RIMS1: variants seen among roughly 807,000 people sequenced by gnomAD.
RIMS1 encodes regulating synaptic membrane exocytosis protein 1.
Under a neutral mutation model 214.1 loss-of-function variants are expected in RIMS1, and 83 were observed. The observed-to-expected ratio is 0.39, with a 90% confidence interval of 0.32 to 0.47. The LOEUF is 0.47. Among genes scored for constraint, RIMS1 ranks in the 20% least tolerant of loss-of-function variants. The probability of loss-of-function intolerance (pLI) is 0.99; values close to 1 mark genes in which losing one functional copy is unlikely to be tolerated. For synonymous variants in RIMS1, 793 were observed against 786.8 expected (o/e 1.01, Z -0.13); for missense variants, 2,050 against 2,161.8 (o/e 0.95, Z 1.03).
chr6:72,395,129 C>G (rs189289661), intron 31 of RIMS1, among the ~76,000 whole-genome samples: 14 of 151,948 alleles, frequency 9.2e-5, no homozygotes, highest in Admixed American at 8.5e-4. Flanking sequence ...TTAAAAAAAT[C>G]TTTTGTAAGA....
At chr6:72,229,233 T>C (rs781164442) in intron 6 of RIMS1, among the ~76,000 whole-genome samples, 10 of 146,206 alleles carry the variant, frequency 6.8e-5, no homozygotes, top group Non-Finnish European at 1.3e-4. Context: ...GTTTAGGGAG[T>C]GAATATTGGC....
intron 29 of RIMS1, among the ~76,000 whole-genome samples, chr6:72,383,265 A>C (rs2098524519): frequency 1.3e-5 from 2 of 152,178 alleles, no homozygotes; most frequent in South Asian, 4.1e-4. Flanking sequence ...TGAGACTTTT[A>C]CTTGTCTATG....
At chr6:72,380,313 G>A (rs1311077464) in intron 29 of RIMS1, among the ~76,000 whole-genome samples, 3 of 152,074 alleles carry the variant, frequency 2.0e-5, no homozygotes, top group South Asian at 4.1e-4. Flanking sequence ...GAGTTAATGG[G>A]TGCAGCACAC....
At chr6:72,219,876 ATTATATTTTCTATATTTTC>A (rs2057809980) in intron 6 of RIMS1, among the ~76,000 whole-genome samples, 1 of 151,806 alleles carries the variant, frequency 6.6e-6, no homozygotes, top group African/African-American at 2.4e-5. Flanking sequence ...AAAGTTTGTT[ATTATATTTTCTATATTTTC>A]CTATTTAGCA....
intron 4 of RIMS1, among the ~76,000 whole-genome samples, chr6:72,169,304 T>C (rs188587994): frequency 1.3e-5 from 2 of 152,350 alleles, no homozygotes; most frequent in African/African-American, 2.4e-5. Context: ...ATATTTATTA[T>C]ATAAGCCTTC....
chr6:71,958,528 G>T (rs1561969627), intron 1 of RIMS1, among the ~76,000 whole-genome samples: 1 of 152,032 alleles, frequency 6.6e-6, no homozygotes, highest in Non-Finnish European at 1.5e-5. Flanking sequence ...TGGGAGAAGT[G>T]GTCAGGTAAT....
chr6:72,242,430 C>T lies in RIMS1; in HGVS notation c.2074C>T (p.Pro692Ser), dbSNP rs2067341321. Residue 692 changes from proline (P) to serine (S), a missense_variant, in exon 10 of 34, where the codon CCT becomes TCT. Coordinates refer to ENST00000521978, the MANE Select transcript of RIMS1 (RefSeq NM_014989.7). ...EPQVEIIVSR[P>S]IGDIPRIPES... is the part of the protein sequence containing the mutation. ...TCAAGTTGAAATTATTGTTTCAAGG[C>T]CTATTGGGTAAGGCTAAAAAAACTT... 1.9e-6 allele frequency: 3 copies of T among 1,552,436 alleles called. No individual in the cohort carries two copies. Among genetic ancestry groups the T allele is most frequent in the Non-Finnish European group, 2.6e-6 (3 of 1,147,562 alleles).
At chr6:72,229,183 C>T (rs867495732) in intron 6 of RIMS1, among the ~76,000 whole-genome samples, 27 of 151,836 alleles carry the variant, frequency 1.8e-4, no homozygotes, top group Middle Eastern at 3.4e-3. Flanking sequence ...GGACAAAAAT[C>T]TGTATTACCT....
At chr6:72,110,585 G>T (rs1248263947) in intron 4 of RIMS1, among the ~76,000 whole-genome samples, 2 of 149,380 alleles carry the variant, frequency 1.3e-5, no homozygotes, top group African/African-American at 5.0e-5. Flanking sequence ...TTGCTTATCA[G>T]CTTAAGGAGA....
intron 28 of RIMS1, among the ~76,000 whole-genome samples, chr6:72,333,197 C>T (rs1348448962): frequency 2.0e-5 from 3 of 151,680 alleles, no homozygotes; most frequent in South Asian, 2.1e-4. Context: ...AAAGAGTGTA[C>T]GTTTTTAAAA....
At chr6:72,097,688 A>G (rs989421225) in intron 3 of RIMS1, among the ~76,000 whole-genome samples, 1 of 152,156 alleles carries the variant, frequency 6.6e-6, no homozygotes, top group Admixed American at 6.5e-5. Context: ...TTAGATATTT[A>G]AAGTCTATTG....
chr6:72,368,721 C>T (rs1417825420), intron 29 of RIMS1, among the ~76,000 whole-genome samples: 2 of 152,108 alleles, frequency 1.3e-5, no homozygotes, highest in East Asian at 3.9e-4. Flanking sequence ...ATTCAGATGA[C>T]AAGTTAGATA....
chr6:72,248,384 G>A (rs9442760), intron 12 of RIMS1, among the ~76,000 whole-genome samples: 2,956 of 152,166 alleles, frequency 0.019, 124 homozygotes, highest in African/African-American at 0.068. Context: ...AGTAAATAAA[G>A]AGTTCATATT....
intron 8 of RIMS1, among the ~76,000 whole-genome samples, chr6:72,237,141 G>A (rs1472720909): frequency 3.3e-5 from 5 of 151,758 alleles, no homozygotes; most frequent in African/African-American, 4.8e-5. Context: ...GGGAGTTCAC[G>A]GCTGCAGCCA....
At chr6:72,121,581 A>G (rs148725309) in intron 4 of RIMS1, among the ~76,000 whole-genome samples, 8,379 of 151,928 alleles carry the variant, frequency 0.055, 438 homozygotes, top group Middle Eastern at 0.095. Flanking sequence ...CTGAGTACAC[A>G]ATCATGTCAT....
chr6:72,325,703 A>G (rs2096428309), intron 28 of RIMS1, among the ~76,000 whole-genome samples: 1 of 151,872 alleles, frequency 6.6e-6, no homozygotes, highest in Admixed American at 6.6e-5. Context: ...AGCTTCACAT[A>G]AAACTCAACA....
chr6:71,911,229 A>G (rs906094188), intron 1 of RIMS1, among the ~76,000 whole-genome samples: 1 of 152,144 alleles, frequency 6.6e-6, no homozygotes. Flanking sequence ...AAATGTGTCC[A>G]TGTGTCATTG....
In RIMS1 at chr6:72,210,173, C is replaced by T. The variant is rs368321617; in HGVS notation, c.1679-23600C>T. Among the ~76,000 whole-genome samples the T allele has an allele frequency of 1.3e-4, 20 of 152,320 alleles. No individual in the cohort carries two copies. In the East Asian group the frequency reaches 2.7e-3, roughly 21 times the overall value. On this transcript the variant is annotated intron_variant, in intron 6 of 33. Coordinates refer to ENST00000521978, the MANE Select transcript of RIMS1 (RefSeq NM_014989.7). ...TTAATCTATGAAATGGGATCCAATA[C>T]TTCTCTTTCTTGTTCCTTAGGATAG...
chr6:72,213,188 A>G, intron 6 of RIMS1: 2 of 1,536,832 alleles, frequency 1.3e-6, no homozygotes, highest in Non-Finnish European at 1.7e-6. Context: ...TTGATTCCGA[A>G]GAGGGAACAA....
Sources: gnomAD v4.1 joint callset for allele counts (sites outside exome capture counted in the v4.1 genomes callset) on GRCh38, gnomAD v4.1.1 for gene constraint, MANE v1.5 for transcripts, NCBI Gene and HGNC (gene_info 2026-07-23, HGNC 2026-07-21) for gene names.